DOCK7: variants seen among roughly 807,000 people sequenced by gnomAD.
DOCK7 encodes dedicator of cytokinesis 7, also known as dedicator of cytokinesis protein 7.
In DOCK7, 138 loss-of-function variants were observed where a neutral mutation model predicts 271.0. That is an observed-to-expected ratio of 0.51 (90% CI 0.44 to 0.59). The LOEUF (loss-of-function observed/expected upper bound fraction) is 0.59. Among genes scored for constraint, DOCK7 ranks in the 20% least tolerant of loss-of-function variants. DOCK7 has a pLI of 0.00. For synonymous variants in DOCK7, 823 were observed against 876.1 expected (o/e 0.94, Z 1.07); for missense variants, 2,066 against 2,592.4 (o/e 0.80, Z 4.41).
At chr1:62,552,583 G>C in intron 22 of DOCK7, 149 bp downstream of exon 22, 1 of 726,120 alleles carries the variant, frequency 1.4e-6, no homozygotes, top group Middle Eastern at 4.2e-4. Flanking sequence ...AAATAAAACA[G>C]TGTTTACTGA....
chr1:62,484,254 C>T (rs185402490), intron 43 of DOCK7: 119 of 151,980 alleles, frequency 7.8e-4, no homozygotes, highest in African/African-American at 2.8e-3. Context: ...TTAGGGTAAT[C>T]TATATTTCCT....
chr1:62,571,302 A>G (rs189264321), intron 18 of DOCK7, among the ~76,000 whole-genome samples: 15 of 152,206 alleles, frequency 9.9e-5, no homozygotes, highest in African/African-American at 3.4e-4. Context: ...TACGAAAAAA[A>G]GCTCAGTATC....
intron 28 of DOCK7, among the ~76,000 whole-genome samples, chr1:62,536,109 T>TAACC (rs3073664): frequency 6.6e-6 from 1 of 151,040 alleles, no homozygotes; most frequent in Non-Finnish European, 1.5e-5. Context: ...TTTTGTTGTC[T>TAACC]GAGTTTTTTT....
intron 14 of DOCK7, among the ~76,000 whole-genome samples, chr1:62,588,811 C>T (rs547670962): frequency 1.0e-4 from 15 of 148,054 alleles, no homozygotes; most frequent in Non-Finnish European, 1.6e-4. Flanking sequence ...TACGATCATA[C>T]CTCACTGCAG....
chr1:62,601,278 T>G, intron 14 of DOCK7: 1 of 977,000 alleles, frequency 1.0e-6, no homozygotes, highest in South Asian at 1.3e-5. Context: ...GACTAAAAGA[T>G]AGTTAAGAGA....
chr1:62,556,149 G>A (rs971492422), intron 20 of DOCK7, among the ~76,000 whole-genome samples, 160 bp from the exon 21 acceptor site: 4 of 152,036 alleles, frequency 2.6e-5, no homozygotes, highest in Non-Finnish European at 5.9e-5. Context: ...TTAATTACAC[G>A]TTGCATTAGC....
rs182323030 is a variant in DOCK7, at chr1:62,572,943, C to A, written c.2112+4319G>T. 2.1e-3 allele frequency among the ~76,000 whole-genome samples: 315 copies of A among 152,256 alleles called. 2 individuals are homozygous for A. Among genetic ancestry groups the A allele is most frequent in the African/African-American group, 7.2e-3 (300 of 41,544 alleles). ...AGATTTTTAAAAAAATAACAAAAAT[C>A]CCTTCATAATCGCACACCTCTTCTG... On this transcript the variant is annotated intron_variant, in intron 18 of 49. Coordinates refer to ENST00000635253, the MANE Select transcript of DOCK7 (RefSeq NM_001367561.1).
Position 62,631,026 on chromosome 1 carries a change from A to G in DOCK7, c.1282+214T>C, listed in dbSNP as rs915107656. ...ATGGTGAAACCCCATCTCTACTAAA[A>G]ATACAAAAATTAGCCAGGCGTGGTG... is the stretch of plus-strand genomic sequence containing the variant. On this transcript the variant is annotated intron_variant, in intron 11 of 49. Transcript: ENST00000635253. Among the ~76,000 whole-genome samples, 3 of 151,880 alleles carry G rather than the reference A, an allele frequency of 2.0e-5. No homozygotes were observed. The East Asian group carries it at 5.8e-4, about 30-fold the overall frequency.
chr1:62,495,456 A>C (rs919075965), intron 39 of DOCK7, 125 bp downstream of exon 39: 59 of 631,590 alleles, frequency 9.3e-5, no homozygotes, highest in Non-Finnish European at 1.3e-4. Flanking sequence ...AAATAAAAAC[A>C]ATAAAGAATG....
chr1:62,491,070 G>C (rs528402266), intron 41 of DOCK7, among the ~76,000 whole-genome samples: 136 of 152,264 alleles, frequency 8.9e-4, no homozygotes, highest in African/African-American at 3.2e-3. Context: ...TATGAGGTAG[G>C]TACTATTACT....
In DOCK7 at chr1:62,635,990, C is replaced by T. The variant is rs190365096; in HGVS notation, c.885+547G>A. On this transcript the variant is annotated intron_variant, in intron 8 of 49. Coordinates refer to ENST00000635253, the MANE Select transcript of DOCK7 (RefSeq NM_001367561.1). The stretch of plus-strand genomic sequence containing the variant: ...AATGTTGTAAAATAACCTTCTGACA[C>T]GCCTGTAATCCCAGCACTTTGGGAG... Among the ~76,000 whole-genome samples, 8 of 152,226 alleles carry T rather than the reference C, an allele frequency of 5.3e-5. No homozygotes were observed. The East Asian group carries it at 1.4e-3, about 26-fold the overall frequency.
At chr1:62,601,632 AAAAATGCTT>A in intron 14 of DOCK7, 3 of 600,876 alleles carry the variant, frequency 5.0e-6, no homozygotes, top group Non-Finnish European at 8.8e-6. Flanking sequence ...GCCATCTAAG[AAAAATGCTT>A]TAACATAAAC....
At chr1:62,553,159 C>T (rs1214103415) in intron 21 of DOCK7, among the ~76,000 whole-genome samples, 67 of 146,702 alleles carry the variant, frequency 4.6e-4, no homozygotes, top group African/African-American at 9.5e-4. Context: ...CTCAGCCTCC[C>T]GAGTAGCTGG....
Position 62,688,249 on chromosome 1 carries a change from C to G in DOCK7, c.16G>C (p.Ala6Pro). The change falls in exon 1 of 50, where the codon GCC becomes CCC. Residue 6 changes from alanine (A) to proline (P), a missense_variant. Transcript: ENST00000635253. Reference sequence around the variant, plus strand: ...TACCTGCTGATCTTCTGGGCGAAGGCGCGGCGCTCGGCCATGGCTGCTGCG... The same window carrying G: ...TACCTGCTGATCTTCTGGGCGAAGGGGCGGCGCTCGGCCATGGCTGCTGCG... MAERR[A>P]FAQKISRTVA... 7.3e-7 allele frequency: 1 copy of G among 1,367,410 alleles called. No individual in the cohort carries two copies. The allele number at this position is 1,367,410 out of a possible 1,614,324, so 84.7% of individuals were successfully genotyped here. A position where few individuals can be genotyped will look rare whatever the true frequency, so the allele number is the denominator to read the frequency against.
At chr1:62,473,539 A>G (rs1311276335) in intron 48 of DOCK7, among the ~76,000 whole-genome samples, 1 of 152,084 alleles carries the variant, frequency 6.6e-6, no homozygotes, top group Non-Finnish European at 1.5e-5. Flanking sequence ...AGTAAATTCT[A>G]CACAGATTAC....
intron 35 of DOCK7, among the ~76,000 whole-genome samples, chr1:62,506,408 A>G (rs548009624): frequency 6.6e-6 from 1 of 152,244 alleles, no homozygotes; most frequent in Non-Finnish European, 1.5e-5. Flanking sequence ...GGGATCAGTT[A>G]TCTTGGACTT....
At chr1:62,462,070 CAAA>C (rs71662374) in intron 48 of DOCK7, among the ~76,000 whole-genome samples, 1 of 133,818 alleles carries the variant, frequency 7.5e-6, no homozygotes. Flanking sequence ...AAACTCATCT[CAAA>C]AAAAAAAAAA....
chr1:62,637,565 AC>A (rs1224882119), intron 7 of DOCK7, among the ~76,000 whole-genome samples: 1 of 152,246 alleles, frequency 6.6e-6, no homozygotes, highest in African/African-American at 2.4e-5. Context: ...AACCATCTAG[AC>A]AAAAAAGTCA....
chr1:62,583,224 A>T lies in DOCK7; in HGVS notation c.1831T>A (p.Phe611Ile), dbSNP rs764000619. ...VIFGKSSCSE[F>I]SKEAYTAVVY... ...ACGGCTGTATAGGCTTCCTTTGAAA[A>T]TTCTGAACAGCTAGATTTACCAAAG... Residue 611 changes from phenylalanine (F) to isoleucine (I), a missense_variant, in exon 16 of 50, where the codon TTT (phenylalanine) becomes ATT (isoleucine). Transcript: ENST00000635253. 1.2e-6 allele frequency: 2 copies of T among 1,613,510 alleles called. No homozygotes were observed. Among genetic ancestry groups the T allele is most frequent in the African/African-American group, 2.7e-5 (2 of 75,054 alleles).
Sources: allele counts gnomAD v4.1 joint callset (sites outside exome capture counted in the v4.1 genomes callset), GRCh38; gene constraint gnomAD v4.1.1; transcripts MANE v1.5; gene names NCBI Gene and HGNC (gene_info 2026-07-23, HGNC 2026-07-21).